The following LRRC53 variants were observed in gnomAD, a reference collection of about 807,000 sequenced individuals.
LRRC53 encodes the protein leucine rich repeat containing 53.
In LRRC53, 25 loss-of-function variants were observed where a neutral mutation model predicts 13.6. The ratio of observed to expected loss-of-function variants is 1.83; its 90% CI spans 1.34 to 2.56. The LOEUF (loss-of-function observed/expected upper bound fraction) is 2.56. Among genes scored for constraint, LRRC53 ranks in the 30% most tolerant of loss-of-function variants. The probability of loss-of-function intolerance (pLI) is 0.00; values close to 1 mark genes in which losing one functional copy is unlikely to be tolerated. For missense variants in LRRC53, 527 were observed against 275.8 expected (o/e 1.91, Z -6.45); for synonymous variants, 204 against 109.8 (o/e 1.86, Z -5.37).
rs1668421521 is a variant in LRRC53, at chr1:74,480,309, G to C, written c.748C>G (p.Pro250Ala). The C allele has an allele frequency of 1.4e-6, 1 of 717,742 alleles. No individual in the cohort carries two copies. Among genetic ancestry groups the C allele is most frequent in the Non-Finnish European group, 2.6e-6 (1 of 385,144 alleles). The allele number at this position is 717,742 out of a possible 1,614,324, so 44.5% of individuals were successfully genotyped here. ...LRNAKDLNCQ[P>A]STAAVAAAQS... ...GCAGCTGCCACAGCTGCGGTAGATG[G>C]CTGGCAATTTAGGTCCTTGGCATTC... The change falls in exon 3 of 5, where the codon CCA becomes GCA. Residue 250 changes from proline to alanine, a missense_variant. Physicochemically the swap from Pro to Ala is conservative, Grantham distance 27. Transcript: ENST00000294635.
At chr1:74,536,267 C>T in the LRRC53 span, among the ~76,000 whole-genome samples, 1 of 152,090 alleles carries the variant, frequency 6.6e-6, no homozygotes, top group African/African-American at 2.4e-5. Flanking sequence ...CATTCACAGA[C>T]AATGTGACCA....
At chr1:74,536,907 T>C in the LRRC53 span, among the ~76,000 whole-genome samples, 1 of 152,194 alleles carries the variant, frequency 6.6e-6, no homozygotes, top group South Asian at 2.1e-4. Context: ...ATGAATCTTC[T>C]AAATCCGGGC....
At chr1:74,513,296 C>A (rs192611484), upstream of LRRC53, among the ~76,000 whole-genome samples, 4 of 152,284 alleles carry the variant, frequency 2.6e-5, no homozygotes, top group East Asian at 7.7e-4. Flanking sequence ...GAGTCCCTGT[C>A]CTTTCATTAT....
intron 1 of LRRC53, among the ~76,000 whole-genome samples, chr1:74,483,870 A>T (rs1377592090): frequency 6.6e-6 from 1 of 152,020 alleles, no homozygotes; most frequent in Non-Finnish European, 1.5e-5. Flanking sequence ...CTAAATTCTT[A>T]CTCCTTATAG....
intron 1 of LRRC53, among the ~76,000 whole-genome samples, chr1:74,493,904 G>C (rs1419162210): frequency 1.3e-5 from 2 of 152,178 alleles, no homozygotes; most frequent in Non-Finnish European, 2.9e-5. Flanking sequence ...AAATATACTT[G>C]ATTTTTAGTG....
chr1:74,527,035 C>A, the LRRC53 span, among the ~76,000 whole-genome samples: 1 of 152,202 alleles, frequency 6.6e-6, no homozygotes, highest in Admixed American at 6.6e-5. Flanking sequence ...GTTTGCTGAT[C>A]CCTGCCTGCT....
chr1:74,507,787 A>G (rs984515962), intron 1 of LRRC53, among the ~76,000 whole-genome samples: 2 of 152,238 alleles, frequency 1.3e-5, no homozygotes, highest in Non-Finnish European at 2.9e-5. Flanking sequence ...ACCGTCATCC[A>G]GGAACATGGG....
At chr1:74,504,720 A>G (rs1451497349) in intron 1 of LRRC53, among the ~76,000 whole-genome samples, 1 of 152,104 alleles carries the variant, frequency 6.6e-6, no homozygotes, top group Non-Finnish European at 1.5e-5. Flanking sequence ...TATTTAGGTT[A>G]CAACATATCC....
the LRRC53 span, among the ~76,000 whole-genome samples, chr1:74,518,977 A>G: frequency 1.9e-5 from 2 of 106,010 alleles, no homozygotes; most frequent in Non-Finnish European, 3.4e-5. Context: ...GGTGCGCTGC[A>G]CCCACTAATG....
At chr1:74,506,361 C>T (rs530024969) in intron 1 of LRRC53, among the ~76,000 whole-genome samples, 6 of 152,126 alleles carry the variant, frequency 3.9e-5, no homozygotes, top group Non-Finnish European at 8.8e-5. Context: ...TATAAATGGC[C>T]TGCCCAAGGC....
the LRRC53 span, among the ~76,000 whole-genome samples, chr1:74,521,528 A>G: frequency 6.6e-6 from 1 of 152,152 alleles, no homozygotes; most frequent in African/African-American, 2.4e-5. Context: ...ATATATATAT[A>G]TACACCTATA....
chr1:74,534,668 A>G, the LRRC53 span, among the ~76,000 whole-genome samples: 1 of 152,218 alleles, frequency 6.6e-6, no homozygotes, highest in African/African-American at 2.4e-5. Context: ...GGATTAAATT[A>G]CATAGAGTTT....
At chr1:74,494,464 TA>T (rs1450173971) in intron 1 of LRRC53, among the ~76,000 whole-genome samples, 1 of 152,310 alleles carries the variant, frequency 6.6e-6, no homozygotes, top group South Asian at 2.1e-4. Context: ...CACCATTTTT[TA>T]TTGGATTTTA....
intron 1 of LRRC53, among the ~76,000 whole-genome samples, chr1:74,490,396 G>T (rs528251544): frequency 6.6e-6 from 1 of 152,170 alleles, no homozygotes; most frequent in Non-Finnish European, 1.5e-5. Flanking sequence ...TTGAAACTTA[G>T]GGTTTGAGTG....
At chr1:74,488,236 A>G (rs1668867654) in intron 1 of LRRC53, among the ~76,000 whole-genome samples, 1 of 152,148 alleles carries the variant, frequency 6.6e-6, no homozygotes, top group South Asian at 2.1e-4. Context: ...CAAGGAAGAC[A>G]CAGGGTTTTG....
chr1:74,477,940 CTT>C (rs1420066965), intron 3 of LRRC53, among the ~76,000 whole-genome samples: 1 of 152,104 alleles, frequency 6.6e-6, no homozygotes, highest in Admixed American at 6.6e-5. Context: ...TTCATAAAAA[CTT>C]TTTATCTACC....
chr1:74,474,378 G>T (rs1359302832), intron 4 of LRRC53, among the ~76,000 whole-genome samples: 1 of 152,146 alleles, frequency 6.6e-6, no homozygotes, highest in African/African-American at 2.4e-5. Context: ...GAACTGGAGT[G>T]TGGGAATGCA....
intron 1 of LRRC53, among the ~76,000 whole-genome samples, chr1:74,498,966 A>C (rs184683652): frequency 2.1e-4 from 32 of 152,372 alleles, no homozygotes; most frequent in Middle Eastern, 3.4e-3. Context: ...AATAAAAGCA[A>C]AACATAATAT....
chr1:74,528,595 G>C, the LRRC53 span, among the ~76,000 whole-genome samples: 1 of 152,210 alleles, frequency 6.6e-6, no homozygotes, highest in East Asian at 1.9e-4. Context: ...GTTTCTCACT[G>C]TCAGAGAATG....
Sources: allele counts gnomAD v4.1 joint callset (sites outside exome capture counted in the v4.1 genomes callset), GRCh38; gene constraint gnomAD v4.1.1; transcripts MANE v1.5; gene names NCBI Gene and HGNC (gene_info 2026-07-23, HGNC 2026-07-21).